FBXW10B: variants seen among roughly 807,000 people sequenced by gnomAD.
FBXW10B encodes the protein F-box and WD repeat domain containing 10B.
the FBXW10B span, among the ~76,000 whole-genome samples, chr17:15,586,299 G>A: frequency 1.3e-5 from 2 of 151,448 alleles, no homozygotes; most frequent in Non-Finnish European, 2.9e-5. Context: ...TGCTGATTTG[G>A]GGGGGCATTG....
the FBXW10B span, among the ~76,000 whole-genome samples, chr17:15,566,552 T>C: frequency 1.3e-5 from 2 of 150,574 alleles, no homozygotes; most frequent in African/African-American, 4.9e-5. Context: ...ATAAAACAAA[T>C]TTTTTTGTTT....
At chr17:15,600,797 T>C in the FBXW10B span, among the ~76,000 whole-genome samples, 2 of 151,802 alleles carry the variant, frequency 1.3e-5, no homozygotes, top group African/African-American at 4.8e-5. Context: ...TGCCTGTAAT[T>C]CCAGCACTTT....
the FBXW10B span, among the ~76,000 whole-genome samples, chr17:15,615,999 C>T: frequency 1.3e-5 from 2 of 151,970 alleles, no homozygotes; most frequent in African/African-American, 4.8e-5. Flanking sequence ...TTCCTGTTAG[C>T]TTTTCAGCAC....
chr17:15,588,710 A>T, the FBXW10B span: 1 of 681,940 alleles, frequency 1.5e-6, no homozygotes, highest in Non-Finnish European at 2.6e-6. Context: ...CATAAAGAGG[A>T]TTCCCCATAT....
At chr17:15,604,680 G>A in the FBXW10B span, among the ~76,000 whole-genome samples, 1 of 151,930 alleles carries the variant, frequency 6.6e-6, no homozygotes, top group African/African-American at 2.4e-5. Context: ...GACTACAGGT[G>A]CCCGCCACCA....
chr17:15,608,103 T>G, the FBXW10B span, among the ~76,000 whole-genome samples: 1 of 151,450 alleles, frequency 6.6e-6, no homozygotes, highest in South Asian at 2.1e-4. Context: ...CAAAGCACAC[T>G]CAGGGGATTT....
At chr17:15,619,182 C>T in the FBXW10B span, 1 of 1,613,858 alleles carries the variant, frequency 6.2e-7, no homozygotes, top group African/African-American at 1.3e-5. Flanking sequence ...ACTGTTTTAT[C>T]CAACATTTGG....
chr17:15,616,811 C>CAAAAAA, the FBXW10B span, among the ~76,000 whole-genome samples: 15 of 64,466 alleles, frequency 2.3e-4, no homozygotes, highest in South Asian at 5.3e-4. Flanking sequence ...GACTCTGTCT[C>CAAAAAA]AAAAAAAAAA....
chr17:15,600,751 G>T, the FBXW10B span, among the ~76,000 whole-genome samples: 1 of 152,056 alleles, frequency 6.6e-6, no homozygotes, highest in South Asian at 2.1e-4. Context: ...CATTAGAAAA[G>T]AAGATAATAT....
the FBXW10B span, among the ~76,000 whole-genome samples, chr17:15,595,116 C>T: frequency 6.6e-6 from 1 of 152,002 alleles, no homozygotes; most frequent in African/African-American, 2.4e-5. Context: ...CCGAGGCGGG[C>T]GGATCACAAG....
the FBXW10B span, among the ~76,000 whole-genome samples, chr17:15,591,151 C>T: frequency 1.3e-5 from 2 of 152,198 alleles, no homozygotes; most frequent in Admixed American, 6.5e-5. Context: ...TCAGCATGTG[C>T]AGGCTGGAGT....
chr17:15,597,209 T>C, the FBXW10B span, among the ~76,000 whole-genome samples: 1 of 151,120 alleles, frequency 6.6e-6, no homozygotes, highest in African/African-American at 2.5e-5. Context: ...TTCAATTTTA[T>C]GGAGAAATGG....
the FBXW10B span, among the ~76,000 whole-genome samples, chr17:15,587,800 A>G: frequency 1.3e-5 from 2 of 152,098 alleles, no homozygotes; most frequent in Non-Finnish European, 2.9e-5. Context: ...AAACCAGAGC[A>G]CCCTAGAAGC....
chr17:15,615,907 A>C, the FBXW10B span: 1 of 1,517,052 alleles, frequency 6.6e-7, no homozygotes, highest in Non-Finnish European at 8.8e-7. Context: ...TCCTTCTTTT[A>C]AAGATGTACA....
chr17:15,585,100 T>C, the FBXW10B span, among the ~76,000 whole-genome samples: 1 of 151,880 alleles, frequency 6.6e-6, no homozygotes, highest in Non-Finnish European at 1.5e-5. Flanking sequence ...TCTGTTCTTA[T>C]AAGCTATAAA....
At chr17:15,579,007 A>C in the FBXW10B span, among the ~76,000 whole-genome samples, 1 of 152,080 alleles carries the variant, frequency 6.6e-6, no homozygotes, top group Admixed American at 6.5e-5. Flanking sequence ...CTTGAAAAAA[A>C]TTATTAATAT....
At chr17:15,591,402 G>A in the FBXW10B span, among the ~76,000 whole-genome samples, 1 of 152,142 alleles carries the variant, frequency 6.6e-6, no homozygotes, top group Non-Finnish European at 1.5e-5. Context: ...CGATTCTCGT[G>A]CCTCAGCCTC....
At chr17:15,599,074 C>T in the FBXW10B span, among the ~76,000 whole-genome samples, 2 of 150,662 alleles carry the variant, frequency 1.3e-5, no homozygotes, top group Non-Finnish European at 2.9e-5. Flanking sequence ...ACTCAGGAGG[C>T]TGAGGCAGGA....
chr17:15,591,128 C>T, the FBXW10B span, among the ~76,000 whole-genome samples: 19 of 152,274 alleles, frequency 1.2e-4, no homozygotes, highest in African/African-American at 4.6e-4. Flanking sequence ...GCAGTTTCCT[C>T]CTGAAGAGAG....
Sources: gnomAD v4.1 joint callset for allele counts (sites outside exome capture counted in the v4.1 genomes callset) on GRCh38, gnomAD v4.1.1 for gene constraint, MANE v1.5 for transcripts, NCBI Gene and HGNC (gene_info 2026-07-23, HGNC 2026-07-21) for gene names.